Variants in FSIP1 observed in about 807,000 individuals in gnomAD.
The protein encoded by FSIP1 is fibrous sheath-interacting protein 1.
Under a neutral mutation model 60.9 loss-of-function variants are expected in FSIP1, and 65 were observed. That is an observed-to-expected ratio of 1.07 (90% CI 0.87 to 1.31). The LOEUF is 1.31. Ranked by LOEUF, FSIP1 falls within the 40% of genes most tolerant of loss-of-function variation. FSIP1 has a pLI of 0.00. For synonymous variants in FSIP1, 209 were observed against 221.2 expected, an observed-to-expected ratio of 0.94 and a Z score of 0.49; for missense variants, 675 against 665.5, an observed-to-expected ratio of 1.01 and a Z score of -0.16.
intron 10 of FSIP1, among the ~76,000 whole-genome samples, chr15:39,619,461 T>C (rs925714034): frequency 6.6e-6 from 1 of 152,188 alleles, no homozygotes; most frequent in Non-Finnish European, 1.5e-5. Context: ...CTAAGGTTAA[T>C]ATACATGTCA....
At chr15:39,659,628 A>G (rs1271042630) in intron 10 of FSIP1, among the ~76,000 whole-genome samples, 1 of 131,996 alleles carries the variant, frequency 7.6e-6, no homozygotes, top group African/African-American at 3.4e-5. Context: ...CTGTTATTTT[A>G]AAAAAAAAAA....
intron 10 of FSIP1, among the ~76,000 whole-genome samples, chr15:39,618,580 C>T (rs540417463): frequency 6.6e-6 from 1 of 152,208 alleles, no homozygotes; most frequent in South Asian, 2.1e-4. Context: ...TATCAGTGGA[C>T]AATACTGCTG....
chr15:39,638,147 A>G (rs1392865573), intron 10 of FSIP1, among the ~76,000 whole-genome samples: 3 of 152,232 alleles, frequency 2.0e-5, no homozygotes, highest in Admixed American at 2.0e-4. Flanking sequence ...AGGATTTCCC[A>G]AGAATATTTT....
intron 5 of FSIP1, among the ~76,000 whole-genome samples, chr15:39,749,768 T>C (rs1897110720): frequency 6.6e-6 from 1 of 151,842 alleles, no homozygotes. Flanking sequence ...GGATGCCCAC[T>C]CTCATCACTT....
At chr15:39,605,426 C>T (rs772697996) in intron 11 of FSIP1, among the ~76,000 whole-genome samples, 1 of 152,168 alleles carries the variant, frequency 6.6e-6, no homozygotes, top group Non-Finnish European at 1.5e-5. Context: ...ACTTTATTGC[C>T]GGGAAGTATC....
intron 9 of FSIP1, among the ~76,000 whole-genome samples, chr15:39,724,591 A>G (rs1036392943): frequency 1.3e-5 from 2 of 152,186 alleles, no homozygotes; most frequent in South Asian, 4.1e-4. Context: ...ATAGCCAAAC[A>G]AATCTCTGAA....
intron 10 of FSIP1, among the ~76,000 whole-genome samples, chr15:39,651,069 A>G (rs1892848278): frequency 6.6e-6 from 1 of 152,176 alleles, no homozygotes. Context: ...AGAGAGAGGA[A>G]GTCATCTGAT....
Position 39,765,572 on chromosome 15 carries a change from T to C in FSIP1, c.465+20A>G, listed in dbSNP as rs1233653913. 6.5e-7 allele frequency: 1 copy of C among 1,549,346 alleles called. No individual in the cohort carries two copies. Among genetic ancestry groups the C allele is most frequent in the Non-Finnish European group, 8.7e-7 (1 of 1,147,170 alleles). ...AGAATTTATTTCTTACATGTCAGCA[T>C]AAGGTTAGATAATTCTTACCTTAAT... On this transcript the variant is annotated intron_variant, in intron 4 of 11. Coordinates refer to ENST00000350221, the MANE Select transcript of FSIP1 (RefSeq NM_152597.5).
chr15:39,747,031 C>CCTTCCCTA (rs1193677783), intron 5 of FSIP1, among the ~76,000 whole-genome samples: 1 of 137,898 alleles, frequency 7.3e-6, no homozygotes, highest in Admixed American at 1.0e-4. Context: ...CTCCTTCCCT[C>CCTTCCCTA]CTTCCCTCCT....
At chr15:39,742,750 A>G (rs923888523) in intron 5 of FSIP1, among the ~76,000 whole-genome samples, 17 of 152,174 alleles carry the variant, frequency 1.1e-4, no homozygotes, top group Non-Finnish European at 1.2e-4. Context: ...ACATTCACCT[A>G]ATTCAAAACA....
chr15:39,691,068 C>T (rs959776953), intron 10 of FSIP1, among the ~76,000 whole-genome samples: 1 of 152,198 alleles, frequency 6.6e-6, no homozygotes, highest in African/African-American at 2.4e-5. Context: ...GGCCCCTATA[C>T]AGGCAATCAG....
At chr15:39,701,456 C>A (rs1895056235) in intron 10 of FSIP1, among the ~76,000 whole-genome samples, 1 of 152,212 alleles carries the variant, frequency 6.6e-6, no homozygotes, top group South Asian at 2.1e-4. Flanking sequence ...CATATAACAA[C>A]TTTTCTCTGA....
At chr15:39,715,151 T>C (rs1235368058) in intron 9 of FSIP1, among the ~76,000 whole-genome samples, 5 of 152,124 alleles carry the variant, frequency 3.3e-5, no homozygotes, top group African/African-American at 1.2e-4. Context: ...AAAGTATTCA[T>C]GCTTTAGGCC....
At chr15:39,727,886 C>T (rs1896257462) in intron 8 of FSIP1, among the ~76,000 whole-genome samples, 1 of 152,060 alleles carries the variant, frequency 6.6e-6, no homozygotes, top group Admixed American at 6.5e-5. Context: ...ACCTAAAAAC[C>T]CCATAGTCTC....
chr15:39,704,677 C>T (rs1265847937), intron 10 of FSIP1, among the ~76,000 whole-genome samples: 4 of 152,218 alleles, frequency 2.6e-5, no homozygotes, highest in African/African-American at 9.6e-5. Context: ...TTAGCTGTCA[C>T]ATTCAAGAAT....
chr15:39,652,796 T>C (rs1892925924), intron 10 of FSIP1, among the ~76,000 whole-genome samples: 1 of 152,234 alleles, frequency 6.6e-6, no homozygotes, highest in African/African-American at 2.4e-5. Flanking sequence ...AGCATGTTAC[T>C]GCATTGATTA....
At chr15:39,694,469 C>T (rs988235720) in intron 10 of FSIP1, among the ~76,000 whole-genome samples, 3 of 152,264 alleles carry the variant, frequency 2.0e-5, no homozygotes, top group Admixed American at 6.5e-5. Context: ...AAGTTCATGA[C>T]TTTATACATA....
chr15:39,605,172 A>G (rs1055528850), intron 11 of FSIP1, among the ~76,000 whole-genome samples: 2 of 152,206 alleles, frequency 1.3e-5, no homozygotes, highest in Non-Finnish European at 2.9e-5. Context: ...TCCCAATAAG[A>G]TAACATACTT....
Position 39,769,848 on chromosome 15 carries a change from G to A in FSIP1, c.310+579C>T, listed in dbSNP as rs146693946. Among the ~76,000 whole-genome samples the A allele has an allele frequency of 4.2e-3, 645 of 152,222 alleles. 4 individuals are homozygous for A. Among genetic ancestry groups the A allele is most frequent in the Non-Finnish European group, 5.3e-3 (363 of 68,028 alleles). ...CCACCATTCCTTTTATACCATCAGTGCAAATGTCAGTATGGTGGACACAAA... is the reference window on the plus strand; with the variant it reads ...CCACCATTCCTTTTATACCATCAGTACAAATGTCAGTATGGTGGACACAAA... On this transcript the variant is annotated intron_variant, in intron 3 of 11. Transcript: ENST00000350221.
Sources: allele counts gnomAD v4.1 joint callset (sites outside exome capture counted in the v4.1 genomes callset), GRCh38; gene constraint gnomAD v4.1.1; transcripts MANE v1.5; gene names NCBI Gene and HGNC (gene_info 2026-07-23, HGNC 2026-07-21).